The following PLCE1 variants were observed in gnomAD, a reference collection of about 807,000 sequenced individuals.
The protein encoded by PLCE1 is phospholipase C epsilon 1.
In PLCE1, 119 loss-of-function variants were observed where a neutral mutation model predicts 242.8. The observed-to-expected ratio is 0.49, with a 90% CI of 0.42 to 0.57. The LOEUF (loss-of-function observed/expected upper bound fraction) is 0.57, where lower values mean the gene tolerates loss of function less well. PLCE1 is among the 20% of genes least tolerant of loss of function. PLCE1 has a pLI of 0.00. For synonymous variants in PLCE1, 945 were observed against 1,017.4 expected, an observed-to-expected ratio of 0.93 and a Z score of 1.35; for missense variants, 2,441 against 2,788.8, an observed-to-expected ratio of 0.88 and a Z score of 2.81.
At chr10:94,286,727 A>G (rs950154303) in intron 22 of PLCE1, 2 of 152,204 alleles carry the variant, frequency 1.3e-5, no homozygotes, top group African/African-American at 4.8e-5. Flanking sequence ...GAAATGCAGG[A>G]ACCTGGCCAT....
chr10:94,068,144 C>T (rs1384321463), intron 2 of PLCE1, among the ~76,000 whole-genome samples: 1 of 152,160 alleles, frequency 6.6e-6, no homozygotes. Context: ...ATGCAGTCAC[C>T]TATGTCTGAA....
chr10:94,142,244 A>G (rs1304038953), intron 3 of PLCE1, among the ~76,000 whole-genome samples: 2 of 151,264 alleles, frequency 1.3e-5, no homozygotes, highest in Non-Finnish European at 2.9e-5. Context: ...AACTTAGGCC[A>G]GGTGGCTCAT....
At position 94,234,227 on chromosome 10, in the gene PLCE1, T is replaced by C. The variant is rs953269160; in HGVS notation, c.2129T>C (p.Leu710Pro). Reference protein sequence around the residue: ...CKVVPFCGVFLKELCEVLDGA... With the variant: ...CKVVPFCGVFPKELCEVLDGA... ...GTGGTTCCATTCTGTGGGGTGTTTC[T>C]GAAGGAGCTCTGTGAAGTGCTTGAC... Residue 710 changes from leucine (L) to proline (P), a missense_variant, in exon 6 of 33, where the codon CTG becomes CCG. Leu to Pro is a moderately conservative substitution (Grantham distance 98). Transcript: ENST00000371380. 3 of 1,614,018 alleles carry C rather than the reference T, an allele frequency of 1.9e-6. No homozygotes were observed. The highest frequency in any genetic ancestry group is 2.5e-6 in the Non-Finnish European group (3 of 1,180,008).
intron 3 of PLCE1, among the ~76,000 whole-genome samples, chr10:94,150,714 T>C (rs1384246123): frequency 1.3e-5 from 2 of 152,134 alleles, no homozygotes; most frequent in Admixed American, 6.5e-5. Flanking sequence ...AATTAGAGGG[T>C]TAAGCATCTA....
At chr10:94,062,078 T>C (rs1242226435) in intron 2 of PLCE1, among the ~76,000 whole-genome samples, 1 of 152,252 alleles carries the variant, frequency 6.6e-6, no homozygotes, top group Non-Finnish European at 1.5e-5. Flanking sequence ...ATGTATAATG[T>C]TAAGAACAAT....
At chr10:94,040,843 A>T (rs1445861569) in intron 2 of PLCE1, among the ~76,000 whole-genome samples, 1 of 152,152 alleles carries the variant, frequency 6.6e-6, no homozygotes, top group Non-Finnish European at 1.5e-5. Flanking sequence ...CAAAAGAAGG[A>T]TACTATTTCA....
rs1590211212 is a variant in PLCE1 at position 94,189,027 on chromosome 10, G to C, written c.1809+17531G>C. 2.8e-5 allele frequency among the ~76,000 whole-genome samples: 4 copies of C among 142,262 alleles called. No homozygotes were observed. The East Asian group carries it at 9.0e-4, about 32-fold the overall frequency. The allele number at this position is 142,262 out of a possible 152,430, so 93.3% of individuals were successfully genotyped here. Reference sequence around the variant, plus strand: ...AAAAAAAAAAAAAAAAAAAAAATTTGTGGTCCAGTGAATTTCAAATACCCT... The same window carrying C: ...AAAAAAAAAAAAAAAAAAAAAATTTCTGGTCCAGTGAATTTCAAATACCCT... On this transcript the variant is annotated intron_variant, in intron 4 of 32. Coordinates refer to ENST00000371380, the MANE Select transcript of PLCE1 (RefSeq NM_016341.4).
intron 2 of PLCE1, among the ~76,000 whole-genome samples, chr10:94,108,082 A>G (rs2045822121): frequency 6.6e-6 from 1 of 152,172 alleles, no homozygotes. Context: ...ACAGCCTTGT[A>G]GCTCAGCCCT....
intron 1 of PLCE1, among the ~76,000 whole-genome samples, chr10:94,017,821 C>G (rs968506045): frequency 2.0e-5 from 3 of 152,068 alleles, no homozygotes; most frequent in African/African-American, 7.2e-5. Flanking sequence ...GGCTAGACAT[C>G]AGATGTAGGG....
At chr10:94,043,595 A>G (rs2061816296) in intron 2 of PLCE1, among the ~76,000 whole-genome samples, 1 of 152,108 alleles carries the variant, frequency 6.6e-6, no homozygotes, top group Non-Finnish European at 1.5e-5. Flanking sequence ...TTTTTTCCAG[A>G]TTTTTGTACC....
At chr10:94,262,806 A>G in intron 14 of PLCE1, 74 bp downstream of exon 14, 1 of 991,704 alleles carries the variant, frequency 1.0e-6, no homozygotes, top group East Asian at 2.4e-5. Context: ...CTAAATGTTT[A>G]TTCTTTCTAT....
chr10:94,219,511 C>T (rs994276859), intron 4 of PLCE1, among the ~76,000 whole-genome samples: 2 of 152,136 alleles, frequency 1.3e-5, no homozygotes, highest in African/African-American at 4.8e-5. Context: ...TGTCTCTTTT[C>T]CTGATAGCTT....
At chr10:94,264,390 G>A (rs1038064232) in intron 14 of PLCE1, among the ~76,000 whole-genome samples, 2 of 152,072 alleles carry the variant, frequency 1.3e-5, no homozygotes, top group Non-Finnish European at 2.9e-5. Flanking sequence ...CAGGCATGGT[G>A]TCAGACAGAT....
At chr10:94,194,542 A>T (rs1274290780) in intron 4 of PLCE1, among the ~76,000 whole-genome samples, 1 of 152,212 alleles carries the variant, frequency 6.6e-6, no homozygotes, top group Non-Finnish European at 1.5e-5. Context: ...GACTCTGCAC[A>T]ATTCCAGAGG....
intron 4 of PLCE1, chr10:94,227,023 C>G (rs534148325): frequency 2.8e-6 from 1 of 362,756 alleles, no homozygotes; most frequent in East Asian, 7.0e-5. Context: ...ATTATAGGCG[C>G]CTGCCACCAT....
chr10:94,115,919 A>T (rs2046112309), intron 2 of PLCE1, among the ~76,000 whole-genome samples: 1 of 152,146 alleles, frequency 6.6e-6, no homozygotes, highest in African/African-American at 2.4e-5. Flanking sequence ...CCTGCCTTCC[A>T]GCCATCCTTG....
chr10:94,137,659 T>C lies in PLCE1; in HGVS notation c.1492+5200T>C, dbSNP rs548579729. On this transcript the variant is annotated intron_variant, in intron 3 of 32. Coordinates refer to ENST00000371380, the MANE Select transcript of PLCE1 (RefSeq NM_016341.4). ...AACCGAGACAAAACATAGTTATTCA[T>C]ATTTAAATTGTGTAATAGAGTGGAG... 17 of 156,558 alleles carry C rather than the reference T, an allele frequency of 1.1e-4. No homozygotes were observed. In the East Asian group the frequency reaches 3.1e-3, roughly 28 times the overall value. The allele number at this position is 156,558 out of a possible 1,614,324, so 9.7% of individuals were successfully genotyped here. A position where few individuals can be genotyped will look rare whatever the true frequency, so the allele number is the denominator to read the frequency against.
chr10:94,184,041 C>T (rs528934579), intron 4 of PLCE1, among the ~76,000 whole-genome samples: 1 of 152,352 alleles, frequency 6.6e-6, no homozygotes, highest in East Asian at 1.9e-4. Flanking sequence ...CAGCAAGTTT[C>T]ATTTGCATTA....
chr10:94,145,609 CTGACAG>C (rs1041869942), intron 3 of PLCE1, among the ~76,000 whole-genome samples: 42 of 152,254 alleles, frequency 2.8e-4, no homozygotes, highest in Non-Finnish European at 5.1e-4. Flanking sequence ...GGCCCGTGGG[CTGACAG>C]TGATCCATAC....
Sources: allele counts gnomAD v4.1 joint callset (sites outside exome capture counted in the v4.1 genomes callset), GRCh38; gene constraint gnomAD v4.1.1; transcripts MANE v1.5; gene names NCBI Gene and HGNC (gene_info 2026-07-23, HGNC 2026-07-21).